The following IFT27 variants were observed in gnomAD, a reference collection of about 807,000 sequenced individuals.
IFT27 encodes intraflagellar transport 27.
Under a neutral mutation model 23.9 loss-of-function variants are expected in IFT27, and 19 were observed. The ratio of observed to expected loss-of-function variants is 0.79; its 90% CI spans 0.55 to 1.16. The LOEUF is 1.16. Ranked by LOEUF, IFT27 falls within the 50% of genes most tolerant of loss-of-function variation. The pLI, the probability that IFT27 is intolerant of heterozygous loss-of-function variation, is 0.00. For missense variants in IFT27, 206 were observed against 228.7 expected (o/e 0.90, Z 0.64); for synonymous variants, 91 against 89.1 (o/e 1.02, Z -0.12).
chr22:36,775,085 G>C (rs1886619241), intron 1 of IFT27, among the ~76,000 whole-genome samples: 1 of 152,214 alleles, frequency 6.6e-6, no homozygotes, highest in African/African-American at 2.4e-5. Context: ...CTGGGTGCTT[G>C]GGATGTATCA....
chr22:36,776,046 A>T lies in IFT27; in HGVS notation c.-339T>A. Reference sequence around the variant, plus strand: ...ACAGCCCTACCCAGAGGGTTCAAGGAAGGACGATCCGGCTCTCCTCCGATC... The same window carrying T: ...ACAGCCCTACCCAGAGGGTTCAAGGTAGGACGATCCGGCTCTCCTCCGATC... On this transcript the variant is annotated 5_prime_UTR_variant, in exon 1 of 7. Coordinates refer to ENST00000433985, the MANE Select transcript of IFT27 (RefSeq NM_001177701.3). 5.1e-6 allele frequency: 2 copies of T among 394,402 alleles called. No individual in the cohort carries two copies. Among genetic ancestry groups the T allele is most frequent in the Non-Finnish European group, 9.5e-6 (2 of 211,570 alleles). The allele number at this position is 394,402 out of a possible 1,614,324, so 24.4% of individuals were successfully genotyped here.
chr22:36,771,860 T>A (rs1045961193), intron 1 of IFT27, among the ~76,000 whole-genome samples: 4 of 152,182 alleles, frequency 2.6e-5, no homozygotes, highest in African/African-American at 9.7e-5. Context: ...CATGACACAG[T>A]GCCTCCATCT....
chr22:36,764,468 C>A (rs940846992), intron 4 of IFT27, among the ~76,000 whole-genome samples: 3 of 152,274 alleles, frequency 2.0e-5, no homozygotes, highest in African/African-American at 7.2e-5. Flanking sequence ...ACCCAACAAT[C>A]TGCTTTCACC....
At chr22:36,762,425 G>A (rs1343375483) in intron 6 of IFT27, 1 of 152,528 alleles carries the variant, frequency 6.6e-6, no homozygotes, top group Non-Finnish European at 1.5e-5. Context: ...GGTGAGGATG[G>A]GTGGTACCGA....
intron 1 of IFT27, chr22:36,768,084 CT>C: frequency 1.5e-6 from 1 of 664,546 alleles, no homozygotes; most frequent in Non-Finnish European, 2.8e-6. Context: ...ACGGCTAAGC[CT>C]TTTATCCACA....
At chr22:36,769,935 C>A (rs1418665416) in intron 1 of IFT27, among the ~76,000 whole-genome samples, 1 of 152,170 alleles carries the variant, frequency 6.6e-6, no homozygotes, top group Non-Finnish European at 1.5e-5. Flanking sequence ...TACAGGAAAC[C>A]GCCTGTGTTG....
chr22:36,769,155 C>T (rs906876618), intron 1 of IFT27, among the ~76,000 whole-genome samples: 3 of 152,188 alleles, frequency 2.0e-5, no homozygotes, highest in Non-Finnish European at 4.4e-5. Flanking sequence ...TGTCATCACT[C>T]CTTAGAAGGG....
chr22:36,776,039 T>G lies in IFT27; in HGVS notation c.-332A>C, dbSNP rs1601505746. On this transcript the variant is annotated 5_prime_UTR_variant, in exon 1 of 7. Coordinates refer to ENST00000433985, the MANE Select transcript of IFT27 (RefSeq NM_001177701.3). Reference sequence around the variant, plus strand: ...CCTCAGCACAGCCCTACCCAGAGGGTTCAAGGAAGGACGATCCGGCTCTCC... The same window carrying G: ...CCTCAGCACAGCCCTACCCAGAGGGGTCAAGGAAGGACGATCCGGCTCTCC... 2.4e-6 allele frequency: 1 copy of G among 418,620 alleles called. No homozygotes were observed. 25.9% of individuals were successfully genotyped at this position (418,620 alleles called of 1,614,324 possible).
intron 3 of IFT27, among the ~76,000 whole-genome samples, chr22:36,766,856 A>C (rs1168853537): frequency 6.6e-6 from 1 of 151,212 alleles, no homozygotes; most frequent in Non-Finnish European, 1.5e-5. Context: ...CCGTCTAAAC[A>C]TCAGCACCAT....
chr22:36,764,154 A>T (rs1938178307), intron 4 of IFT27, 118 bp from the exon 5 acceptor site: 2 of 720,760 alleles, frequency 2.8e-6, no homozygotes, highest in Admixed American at 2.0e-5. Context: ...ACAAGAAACG[A>T]AAACAGCCAC....
intron 2 of IFT27, 103 bp from the exon 3 acceptor site, chr22:36,767,468 TGGAA>T (rs1402783600): frequency 1.8e-5 from 18 of 1,012,970 alleles, no homozygotes; most frequent in Non-Finnish European, 2.7e-5. Context: ...CTATCTCCAG[TGGAA>T]GGGTTTGTTC....
chr22:36,766,869 T>A (rs1331014352), intron 3 of IFT27, among the ~76,000 whole-genome samples: 2 of 151,906 alleles, frequency 1.3e-5, no homozygotes, highest in Non-Finnish European at 2.9e-5. Flanking sequence ...AGCACCATTG[T>A]CTGTTTTGCA....
intron 1 of IFT27, among the ~76,000 whole-genome samples, chr22:36,770,986 TTC>T (rs1938374050): frequency 6.6e-6 from 1 of 152,194 alleles, no homozygotes; most frequent in Non-Finnish European, 1.5e-5. Flanking sequence ...CTTCTCCTTT[TTC>T]TTAGTACTAC....
chr22:36,758,315 G>T lies in IFT27; in HGVS notation c.557C>A (p.Ala186Glu), dbSNP rs1211294837. 1 of 1,613,338 alleles carries T rather than the reference G, an allele frequency of 6.2e-7. No individual in the cohort carries two copies. The highest frequency in any genetic ancestry group is 1.3e-5 in the African/African-American group (1 of 75,042). The change falls in exon 7 of 7, where the codon GCA (alanine) becomes GAA (glutamate). Residue 186 changes from alanine to glutamate, a missense_variant. Ala to Glu is a moderately radical substitution (Grantham distance 107). Transcript: ENST00000433985. ...AGCACGATCTGCTCCAGCTCGTCAT[G>T]CCAGGGCCCGGAAAACCTCCACCTT... Reference protein sequence around the residue: ...REKVEVFRALA With the variant: ...REKVEVFRALE
intron 6 of IFT27, 132 bp from the exon 7 acceptor site, chr22:36,758,541 C>T: frequency 1.5e-6 from 1 of 672,692 alleles, no homozygotes; most frequent in Non-Finnish European, 2.6e-6. Context: ...TTCGAGGTAG[C>T]CACTTTCATG....
intron 3 of IFT27, 187 bp downstream of exon 3, chr22:36,767,115 CTCCT>C (rs1309587115): frequency 9.5e-5 from 47 of 492,214 alleles, no homozygotes; most frequent in Non-Finnish European, 1.1e-4. Flanking sequence ...TCTCCTAGTC[CTCCT>C]TCCTTCCTTC....
chr22:36,775,719 C>T lies in IFT27; in HGVS notation c.-12G>A. 6.2e-7 allele frequency: 1 copy of T among 1,613,892 alleles called. No homozygotes were observed. The highest frequency in any genetic ancestry group is 8.5e-7 in the Non-Finnish European group (1 of 1,179,954). On this transcript the variant is annotated 5_prime_UTR_variant, in exon 1 of 7. In the 5' UTR this introduces an upstream ATG that the reference lacks. Transcript: ENST00000433985. ...GCCAGCTTCACCATGGTAACCAACACTCCCGCGAGCCGTACCCAGAGGACA... is the reference window on the plus strand; with the variant it reads ...GCCAGCTTCACCATGGTAACCAACATTCCCGCGAGCCGTACCCAGAGGACA...
Position 36,758,235 on chromosome 22 carries a change from A to G in IFT27, c.*76T>C, listed in dbSNP as rs1235384259. 1 of 1,188,304 alleles carries G rather than the reference A, an allele frequency of 8.4e-7. No homozygotes were observed. The highest frequency in any genetic ancestry group is 1.5e-5 in the African/African-American group (1 of 65,982). The allele number at this position is 1,188,304 out of a possible 1,614,324, so 73.6% of individuals were successfully genotyped here. The stretch of plus-strand genomic sequence containing the variant: ...CGACATTTTCTCCTAATTTTATTTA[A>G]AGCCATCATTATATATTAAAAGAGC... On this transcript the variant is annotated 3_prime_UTR_variant, in exon 7 of 7. Transcript: ENST00000433985.
chr22:36,772,247 A>G (rs1938400708), intron 1 of IFT27, among the ~76,000 whole-genome samples: 1 of 152,218 alleles, frequency 6.6e-6, no homozygotes, highest in Non-Finnish European at 1.5e-5. Context: ...ATGTATATCA[A>G]GAGGCAGCAT....
Sources: gnomAD v4.1 joint callset for allele counts (sites outside exome capture counted in the v4.1 genomes callset) on GRCh38, gnomAD v4.1.1 for gene constraint, MANE v1.5 for transcripts, NCBI Gene and HGNC (gene_info 2026-07-23, HGNC 2026-07-21) for gene names.